DOCK9: variants seen among roughly 807,000 people sequenced by gnomAD.
DOCK9 encodes dedicator of cytokinesis protein 9.
Under a neutral mutation model 263.3 loss-of-function variants are expected in DOCK9, and 89 were observed. The observed-to-expected ratio is 0.34, with a 90% confidence interval of 0.28 to 0.40. The LOEUF (loss-of-function observed/expected upper bound fraction) is 0.40. DOCK9 is among the 10% of genes least tolerant of loss of function. The probability of loss-of-function intolerance (pLI) is 1.00; values close to 1 mark genes in which losing one functional copy is unlikely to be tolerated. For synonymous variants in DOCK9, 976 were observed against 973.1 expected (o/e 1.00, Z -0.06); for missense variants, 2,140 against 2,603.4 (o/e 0.82, Z 3.87).
At chr13:99,077,271 C>T (rs541529348) in intron 1 of DOCK9, among the ~76,000 whole-genome samples, 1 of 152,166 alleles carries the variant, frequency 6.6e-6, no homozygotes, top group African/African-American at 2.4e-5. Flanking sequence ...ACCCAAATCC[C>T]CAGTGTTGGA....
intron 47 of DOCK9, among the ~76,000 whole-genome samples, 172 bp from the exon 48 acceptor site, chr13:98,807,979 A>G (rs1376004394): frequency 6.6e-6 from 1 of 152,236 alleles, no homozygotes; most frequent in Middle Eastern, 3.2e-3. Context: ...CTAGGTGCAA[A>G]GGTAAAGGAA....
Position 98,923,145 on chromosome 13 carries a change from A to G in DOCK9, c.486+157T>C, listed in dbSNP as rs1289073963. Among the ~76,000 whole-genome samples the G allele has an allele frequency of 6.6e-5, 10 of 152,342 alleles. No individual in the cohort carries two copies. In the South Asian group the frequency reaches 1.9e-3, roughly 28 times the overall value. ...TGAAACAGAGACCTTATTCCAATCA[A>G]TCAATAACATTTTTAAAAAATTATT... On this transcript the variant is annotated intron_variant, in intron 5 of 52. Transcript: ENST00000682017.
chr13:99,079,352 C>G (rs952976423), intron 1 of DOCK9, among the ~76,000 whole-genome samples: 1 of 152,114 alleles, frequency 6.6e-6, no homozygotes, highest in East Asian at 1.9e-4. Context: ...TGCCAAGCTT[C>G]AAGACTCAGC....
intron 27 of DOCK9, among the ~76,000 whole-genome samples, chr13:98,869,828 A>AGCC (rs1174664142): frequency 2.6e-5 from 4 of 152,260 alleles, no homozygotes; most frequent in African/African-American, 9.6e-5. Flanking sequence ...TCCTAAAAGG[A>AGCC]GCCGCTGGCC....
At chr13:98,859,747 G>GTATATATATATATATA (rs1430331905) in intron 33 of DOCK9, 1 of 96,082 alleles carries the variant, frequency 1.0e-5, no homozygotes, top group Non-Finnish European at 2.3e-5. Flanking sequence ...GTGTGTGTGT[G>GTATATATATATATATA]TGTGTGTATA....
intron 15 of DOCK9, among the ~76,000 whole-genome samples, chr13:98,894,907 G>A (rs1463450782): frequency 1.5e-5 from 2 of 130,054 alleles, no homozygotes; most frequent in African/African-American, 5.7e-5. Flanking sequence ...TCAGGAGTTT[G>A]AGACCAGCCT....
intron 32 of DOCK9, 143 bp downstream of exon 32, chr13:98,862,876 C>G: frequency 1.5e-6 from 1 of 687,054 alleles, no homozygotes; most frequent in South Asian, 1.9e-5. Context: ...ACCAACCCCA[C>G]TGACACCTTG....
At chr13:99,022,136 C>G (rs947826388) in intron 1 of DOCK9, among the ~76,000 whole-genome samples, 2 of 152,178 alleles carry the variant, frequency 1.3e-5, no homozygotes, top group African/African-American at 4.8e-5. Flanking sequence ...TTCCCCATCT[C>G]AATACACAAG....
intron 2 of DOCK9, among the ~76,000 whole-genome samples, chr13:98,935,905 T>C (rs887783614): frequency 4.6e-5 from 7 of 152,216 alleles, no homozygotes; most frequent in African/African-American, 1.7e-4. Flanking sequence ...GGTCTTCTAA[T>C]TCATTGCCCT....
chr13:99,023,585 C>T (rs1043666295), intron 1 of DOCK9, among the ~76,000 whole-genome samples: 6 of 152,084 alleles, frequency 3.9e-5, no homozygotes, highest in Non-Finnish European at 5.9e-5. Context: ...GTGAATGTAC[C>T]GAGTATCACT....
Position 98,837,040 on chromosome 13 carries a change from A to T in DOCK9, c.4314+454T>A, listed in dbSNP as rs190113951. Among the ~76,000 whole-genome samples, 6 of 152,242 alleles carry T rather than the reference A, an allele frequency of 3.9e-5. No homozygotes were observed. The East Asian group carries it at 1.2e-3, about 29-fold the overall frequency. ...AAAAAAAAAACCCCTTTCATTTTCT[A>T]TCTCCAAAACGTTTTTATCATTTAA... On this transcript the variant is annotated intron_variant, in intron 39 of 52. Transcript: ENST00000682017.
chr13:98,931,526 C>T (rs1432274093), intron 2 of DOCK9, among the ~76,000 whole-genome samples: 1 of 151,990 alleles, frequency 6.6e-6, no homozygotes, highest in African/African-American at 2.4e-5. Flanking sequence ...TCTCAATCTC[C>T]TGACCTCGTG....
At chr13:99,012,507 G>C (rs1884674383) in intron 1 of DOCK9, among the ~76,000 whole-genome samples, 1 of 152,166 alleles carries the variant, frequency 6.6e-6, no homozygotes, top group Admixed American at 6.5e-5. Flanking sequence ...GCTCTTACCT[G>C]ATGACAGTTA....
intron 1 of DOCK9, among the ~76,000 whole-genome samples, chr13:99,057,813 T>C (rs548951566): frequency 7.9e-5 from 12 of 152,320 alleles, no homozygotes; most frequent in African/African-American, 2.9e-4. Flanking sequence ...CCTTGGACAG[T>C]AAACTAATTG....
At chr13:98,811,576 A>T (rs1311334910) in intron 45 of DOCK9, among the ~76,000 whole-genome samples, 1 of 152,010 alleles carries the variant, frequency 6.6e-6, no homozygotes, top group Non-Finnish European at 1.5e-5. Context: ...ATGCCCCACT[A>T]ATTTTTTGTA....
rs144639742 is a variant in DOCK9, at chr13:98,880,475, T to C, written c.2871+72A>G. The C allele has an allele frequency of 8.1e-4, 1,296 of 1,599,690 alleles. 12 individuals are homozygous for C. The African/African-American group carries it at 0.015, about 19-fold the overall frequency. Reference sequence around the variant, plus strand: ...TCTCTAAGAGCACTCAGAAAGGCTGTATTGATCAGGCTGTGGAGTGAATTC... The same window carrying C: ...TCTCTAAGAGCACTCAGAAAGGCTGCATTGATCAGGCTGTGGAGTGAATTC... On this transcript the variant is annotated intron_variant, in intron 26 of 52. Transcript: ENST00000682017.
intron 49 of DOCK9, among the ~76,000 whole-genome samples, chr13:98,803,723 G>A (rs2090376766): frequency 6.6e-6 from 1 of 151,624 alleles, no homozygotes; most frequent in South Asian, 2.1e-4. Context: ...CTACTGATGT[G>A]TGCATTAAAA....
In DOCK9 at chr13:98,897,491, C is replaced by G; in HGVS notation, c.1706G>C (p.Arg569Pro). The G allele has an allele frequency of 6.2e-7, 1 of 1,613,526 alleles. No homozygotes were observed. Among genetic ancestry groups the G allele is most frequent in the Non-Finnish European group, 8.5e-7 (1 of 1,179,712 alleles). ...GAAATAAGACCTTGAAACTCACTTC[C>G]GAAAGTCTGCAAGTAACTTGAGCAT... ...DDMLKLLADF[R>P]KPEKMAKLPV... Residue 569 changes from arginine to proline, a missense_variant, in exon 15 of 53, where the codon CGG (arginine) becomes CCG (proline). Arg to Pro is a moderately radical substitution (Grantham distance 103). Around this residue, in one of 2 missense-constraint regions of DOCK9, gnomAD observed 1,521 missense variants for 1,741.7 expected, o/e 0.87. Coordinates refer to ENST00000682017, the MANE Select transcript of DOCK9 (RefSeq NM_001366683.2).
intron 1 of DOCK9, among the ~76,000 whole-genome samples, chr13:98,990,895 T>A (rs1879638905): frequency 6.6e-6 from 1 of 152,294 alleles, no homozygotes; most frequent in African/African-American, 2.4e-5. Flanking sequence ...CTCTCCTGTA[T>A]TTACTCATTA....
Sources: gnomAD v4.1 joint callset for allele counts (sites outside exome capture counted in the v4.1 genomes callset) on GRCh38, gnomAD v4.1.1 for gene constraint, gnomAD v4.1.1 regional missense constraint, MANE v1.5 for transcripts, NCBI Gene and HGNC (gene_info 2026-07-23, HGNC 2026-07-21) for gene names.